Variants in MAP7 observed in about 807,000 individuals in gnomAD.
MAP7 encodes the protein microtubule associated protein 7, also known as ensconsin.
A neutral mutation model predicts 94.8 loss-of-function variants in MAP7; 52 were observed. The ratio of observed to expected loss-of-function variants is 0.55; its 90% CI spans 0.44 to 0.69. The LOEUF (loss-of-function observed/expected upper bound fraction) is 0.69, where lower values mean the gene tolerates loss of function less well. Ranked by LOEUF, MAP7 falls within the 30% of genes least tolerant of loss-of-function variation. The probability of loss-of-function intolerance (pLI) is 0.00; values close to 1 mark genes in which losing one functional copy is unlikely to be tolerated. For synonymous variants in MAP7, 350 were observed against 357.0 expected, an observed-to-expected ratio of 0.98 and a Z score of 0.22; for missense variants, 940 against 964.6, an observed-to-expected ratio of 0.97 and a Z score of 0.34.
chr6:136,548,883 C>G (rs1187478577), intron 1 of MAP7, among the ~76,000 whole-genome samples: 1 of 152,248 alleles, frequency 6.6e-6, no homozygotes, highest in East Asian at 1.9e-4. Flanking sequence ...GGGGCCCTCA[C>G]TTGGGGGAGC....
intron 1 of MAP7, among the ~76,000 whole-genome samples, chr6:136,451,630 T>C (rs902760029): frequency 4.6e-5 from 7 of 152,196 alleles, no homozygotes; most frequent in African/African-American, 9.7e-5. Flanking sequence ...ATAGCTGCCA[T>C]AGTGATTCCC....
At chr6:136,444,849 C>A (rs1456230848) in intron 1 of MAP7, among the ~76,000 whole-genome samples, 2 of 152,184 alleles carry the variant, frequency 1.3e-5, no homozygotes, top group African/African-American at 4.8e-5. Flanking sequence ...TTACATTAAT[C>A]ATGCTACTTG....
At chr6:136,353,531 A>G (rs1190480656) in intron 16 of MAP7, among the ~76,000 whole-genome samples, 2 of 152,152 alleles carry the variant, frequency 1.3e-5, no homozygotes, top group Admixed American at 6.6e-5. Flanking sequence ...TCTTCACAAT[A>G]ATTTCACTGT....
At chr6:136,505,251 ATGTGTG>A (rs67294964) in intron 1 of MAP7, among the ~76,000 whole-genome samples, 14,959 of 85,578 alleles carry the variant, frequency 0.17, 2,171 homozygotes, top group South Asian at 0.29. Flanking sequence ...TTTCCATGTA[ATGTGTG>A]TGTGTGTGTG....
intron 3 of MAP7, among the ~76,000 whole-genome samples, chr6:136,407,891 A>C (rs879062567): frequency 3.3e-5 from 5 of 152,328 alleles, no homozygotes; most frequent in South Asian, 4.1e-4. Flanking sequence ...GGCCAAAAAA[A>C]CCCAAACATT....
intron 3 of MAP7, among the ~76,000 whole-genome samples, chr6:136,390,922 C>A (rs1031535946): frequency 6.6e-6 from 1 of 152,138 alleles, no homozygotes; most frequent in African/African-American, 2.4e-5. Flanking sequence ...GTTCTCCTAG[C>A]AGCTAGGCTA....
intron 8 of MAP7, among the ~76,000 whole-genome samples, chr6:136,369,933 A>C (rs1018362455): frequency 2.0e-5 from 3 of 152,214 alleles, no homozygotes; most frequent in Non-Finnish European, 4.4e-5. Flanking sequence ...CAAATGGGAC[A>C]ACATCAAACT....
Position 136,550,388 on chromosome 6 carries a change from G to A in MAP7, c.21C>T (p.Gly7=), listed in dbSNP as rs764246465. 2.4e-5 allele frequency: 36 copies of A among 1,528,136 alleles called. No homozygotes were observed. Among genetic ancestry groups the A allele is most frequent in the Non-Finnish European group, 2.9e-5 (33 of 1,145,842 alleles). 94.7% of individuals were successfully genotyped at this position (1,528,136 alleles called of 1,614,324 possible). A position where few individuals can be genotyped will look rare whatever the true frequency, so the allele number is the denominator to read the frequency against. MAELGA[G]GDGHRGGDGA... ...CGTCGCCGCCCCTGTGGCCGTCGCC[G>A]CCAGCTCCTAGCTCCGCCATGGTGC... Residue 7 remains glycine (G), a synonymous_variant, in exon 1 of 18, where the codon GGC becomes GGT. Coordinates refer to ENST00000354570, the MANE Select transcript of MAP7 (RefSeq NM_003980.6). The surrounding 1 kb of genome is among the most constrained non-coding windows in gnomAD (Gnocchi z 5.1).
chr6:136,475,533 C>A (rs558099054), intron 1 of MAP7, among the ~76,000 whole-genome samples: 1 of 152,290 alleles, frequency 6.6e-6, no homozygotes, highest in South Asian at 2.1e-4. Flanking sequence ...GAGAGCAGAT[C>A]AGCCTTCTTG....
chr6:136,485,035 AT>A (rs1276536764), intron 1 of MAP7, among the ~76,000 whole-genome samples: 1 of 152,096 alleles, frequency 6.6e-6, no homozygotes, highest in Non-Finnish European at 1.5e-5. Flanking sequence ...TAACATTAAT[AT>A]TCTTAATCAC....
intron 1 of MAP7, among the ~76,000 whole-genome samples, chr6:136,436,581 T>C (rs1383075746): frequency 6.6e-6 from 1 of 152,160 alleles, no homozygotes; most frequent in Non-Finnish European, 1.5e-5. Flanking sequence ...AGTCTCGCTT[T>C]GTTGCCCAGT....
At chr6:136,485,555 ATTTTTTTTT>A (rs747333121) in intron 1 of MAP7, among the ~76,000 whole-genome samples, 2 of 98,136 alleles carry the variant, frequency 2.0e-5, no homozygotes, top group African/African-American at 8.9e-5. Context: ...TCCACTTCAG[ATTTTTTTTT>A]TTTTTTTTTT....
chr6:136,545,763 A>AT lies in MAP7; in HGVS notation c.67+4578dup, dbSNP rs535189596. Among the ~76,000 whole-genome samples, 12 of 144,308 alleles carry AT rather than the reference A, an allele frequency of 8.3e-5. No individual in the cohort carries two copies. The South Asian group carries it at 8.6e-4, about 10-fold the overall frequency. 94.7% of individuals were successfully genotyped at this position (144,308 alleles called of 152,430 possible). A position where few individuals can be genotyped will look rare whatever the true frequency, so the allele number is the denominator to read the frequency against. On this transcript the variant is annotated intron_variant, in intron 1 of 17. Transcript: ENST00000354570. ...TATTTTTTAAATTAAAACAAATTTA[A>AT]TTTTTTTTTATTTTTGTGGGTAAAT...
At chr6:136,406,588 A>T (rs1290351939) in intron 3 of MAP7, among the ~76,000 whole-genome samples, 1 of 152,222 alleles carries the variant, frequency 6.6e-6, no homozygotes, top group Non-Finnish European at 1.5e-5. Flanking sequence ...TGGGAGGTCA[A>T]GGCGGGCAAA....
intron 1 of MAP7, among the ~76,000 whole-genome samples, chr6:136,429,895 TC>T (rs1794387334): frequency 6.6e-6 from 1 of 152,210 alleles, no homozygotes; most frequent in Non-Finnish European, 1.5e-5. Flanking sequence ...CTTTTTCATC[TC>T]CGTTGGTGAC....
Position 136,432,903 on chromosome 6 carries a change from T to C in MAP7, c.68-11104A>G, listed in dbSNP as rs149037339. On this transcript the variant is annotated intron_variant, in intron 1 of 17. Coordinates refer to ENST00000354570, the MANE Select transcript of MAP7 (RefSeq NM_003980.6). ...TATTCTTTTTATCTTAGAAAGGAAG[T>C]GTTTTTATTTATTTATTTAAGAGAT... Among the ~76,000 whole-genome samples, 27 of 152,238 alleles carry C rather than the reference T, an allele frequency of 1.8e-4. No individual in the cohort carries two copies. In the East Asian group the frequency reaches 5.2e-3, roughly 29 times the overall value.
rs71006801 is a variant in MAP7, at chr6:136,452,193, C to CAAACAAAACAAAACAAAACAAAACA, written c.68-30419_68-30395dup. The stretch of plus-strand genomic sequence containing the variant: ...TGGGAGACAGAGCAAGACTCCGTCT[C>CAAACAAAACAAAACAAAACAAAACA]AAACAAAACAAAACAAAACAAAACA... On this transcript the variant is annotated intron_variant, in intron 1 of 17. Coordinates refer to ENST00000354570, the MANE Select transcript of MAP7 (RefSeq NM_003980.6). Among the ~76,000 whole-genome samples the CAAACAAAACAAAACAAAACAAAACA allele has an allele frequency of 2.6e-4, 38 of 145,710 alleles. 1 individual carries two copies. The East Asian group carries it at 3.7e-3, about 14-fold the overall frequency.
In MAP7 at chr6:136,388,425, G is replaced by C; in HGVS notation, c.494C>G (p.Ser165Cys). The change falls in exon 5 of 18, where the codon TCT becomes TGT. Residue 165 changes from serine to cysteine, a missense_variant. Physicochemically the swap from Ser to Cys is moderately radical, Grantham distance 112. Coordinates refer to ENST00000354570, the MANE Select transcript of MAP7 (RefSeq NM_003980.6). ...GTGGATGCTAGGGCTCCCATGGAGA[G>C]AGCCTCCCCACGACCAACGGTTATG... ...QKHNRWSWGG[S>C]LHGSPSIHSA... The C allele has an allele frequency of 1.9e-6, 3 of 1,614,134 alleles. No homozygotes were observed. Among genetic ancestry groups the C allele is most frequent in the Non-Finnish European group, 2.5e-6 (3 of 1,179,990 alleles).
intron 3 of MAP7, among the ~76,000 whole-genome samples, chr6:136,406,589 G>A (rs931970643): frequency 1.2e-4 from 18 of 152,306 alleles, no homozygotes; most frequent in African/African-American, 4.3e-4. Context: ...GGGAGGTCAA[G>A]GCGGGCAAAT....
Sources: gnomAD v4.1 joint callset for allele counts (sites outside exome capture counted in the v4.1 genomes callset) on GRCh38, gnomAD v4.1.1 for gene constraint, Gnocchi (gnomAD v3.1) non-coding constraint, MANE v1.5 for transcripts, NCBI Gene and HGNC (gene_info 2026-07-23, HGNC 2026-07-21) for gene names.